Variants in ITPRID1 observed in about 807,000 individuals in gnomAD.
ITPRID1 encodes ITPR interacting domain containing 1.
A neutral mutation model predicts 95.4 loss-of-function variants in ITPRID1; 96 were observed. The ratio of observed to expected loss-of-function variants is 1.01; its 90% confidence interval spans 0.85 to 1.19. ITPRID1 has a LOEUF of 1.19. Ranked by LOEUF, ITPRID1 falls within the 50% of genes most tolerant of loss-of-function variation. The pLI is 0.00. For missense variants in ITPRID1, 1,339 were observed against 1,252.9 expected (o/e 1.07, Z -1.04); for synonymous variants, 510 against 453.6 (o/e 1.12, Z -1.58).
Position 31,656,368 on chromosome 7 carries a change from T to TA in ITPRID1, c.*3540dup. 1.1e-5 allele frequency: 4 copies of TA among 349,362 alleles called. No individual in the cohort carries two copies. The highest frequency in any genetic ancestry group is 1.6e-5 in the Non-Finnish European group (4 of 248,572). 21.6% of individuals were successfully genotyped at this position (349,362 alleles called of 1,614,324 possible). A position where few individuals can be genotyped will look rare whatever the true frequency, so the allele number is the denominator to read the frequency against. On this transcript the variant is annotated 3_prime_UTR_variant, in exon 15 of 15. Transcript: ENST00000615280. ...TAAAATAGGGAGAAGAAAAACAACA[T>TA]AGAGTTGTTGGACAGAATAAATACC...
chr7:31,577,128 A>G (rs1006469346), intron 8 of ITPRID1, among the ~76,000 whole-genome samples: 1 of 152,240 alleles, frequency 6.6e-6, no homozygotes, highest in African/African-American at 2.4e-5. Flanking sequence ...TTCTCTGGAA[A>G]GACTGAGGAG....
intron 5 of ITPRID1, among the ~76,000 whole-genome samples, chr7:31,565,114 C>T (rs998942765): frequency 6.6e-6 from 1 of 152,154 alleles, no homozygotes; most frequent in African/African-American, 2.4e-5. Flanking sequence ...GCAAGGCTCC[C>T]AACTGCCTGA....
chr7:31,616,657 T>A (rs1328276699), intron 10 of ITPRID1, among the ~76,000 whole-genome samples: 2 of 152,150 alleles, frequency 1.3e-5, no homozygotes, highest in Admixed American at 1.3e-4. Context: ...TAAGGTAAAT[T>A]CCCCAGATAG....
At chr7:31,620,373 T>C (rs1303209034) in intron 10 of ITPRID1, among the ~76,000 whole-genome samples, 22 of 151,330 alleles carry the variant, frequency 1.5e-4, no homozygotes, top group East Asian at 3.9e-4. Context: ...TAGGGGCAGA[T>C]TGACACCTCA....
chr7:31,566,493 G>A (rs1192451307), intron 5 of ITPRID1, among the ~76,000 whole-genome samples: 1 of 152,184 alleles, frequency 6.6e-6, no homozygotes, highest in Non-Finnish European at 1.5e-5. Context: ...AAACTCTCCA[G>A]AATCATCTCG....
rs975676143 is a variant in ITPRID1 at position 31,656,091 on chromosome 7, C to A, written c.*3262C>A. Reference sequence around the variant, plus strand: ...ACAGGCTTTCCTTGATGATCTGTGGCAGAAGTGATCCTTATTTTTTGAAAC... The same window carrying A: ...ACAGGCTTTCCTTGATGATCTGTGGAAGAAGTGATCCTTATTTTTTGAAAC... On this transcript the variant is annotated 3_prime_UTR_variant, in exon 15 of 15. Coordinates refer to ENST00000615280, the MANE Select transcript of ITPRID1 (RefSeq NM_001257967.3). 19 of 883,342 alleles carry A rather than the reference C, an allele frequency of 2.2e-5. No individual in the cohort carries two copies. The African/African-American group carries it at 3.3e-4, about 15-fold the overall frequency. 54.7% of individuals were successfully genotyped at this position (883,342 alleles called of 1,614,324 possible).
chr7:31,569,253 T>C (rs932346477), intron 5 of ITPRID1, among the ~76,000 whole-genome samples: 1 of 152,194 alleles, frequency 6.6e-6, no homozygotes, highest in Non-Finnish European at 1.5e-5. Context: ...GGGAATATGC[T>C]TCATACATGC....
intron 5 of ITPRID1, among the ~76,000 whole-genome samples, chr7:31,565,268 A>G (rs2128141165): frequency 6.6e-6 from 1 of 152,344 alleles, no homozygotes; most frequent in Admixed American, 6.5e-5. Flanking sequence ...AACTATCTTT[A>G]ATAATTTTAT....
intron 10 of ITPRID1, among the ~76,000 whole-genome samples, chr7:31,640,875 C>G (rs1789957384): frequency 6.6e-6 from 1 of 152,160 alleles, no homozygotes; most frequent in Non-Finnish European, 1.5e-5. Context: ...TAGGATTGAG[C>G]TATTTTAAAA....
chr7:31,572,187 A>G lies in ITPRID1; in HGVS notation c.394A>G (p.Ser132Gly). 1 of 1,594,648 alleles carries G rather than the reference A, an allele frequency of 6.3e-7. No individual in the cohort carries two copies. The highest frequency in any genetic ancestry group is 8.6e-7 in the Non-Finnish European group (1 of 1,163,894). Residue 132 changes from serine (S) to glycine (G), a missense_variant and splice_region_variant, in exon 7 of 15, where the codon AGC (serine) becomes GGC (glycine). Coordinates refer to ENST00000615280, the MANE Select transcript of ITPRID1 (RefSeq NM_001257967.3). Reference sequence around the variant, plus strand: ...CTATTCTACTGCAAGTGTACCACAAAGGTATGTAATTTCCAGGTGCTTTTC... The same window carrying G: ...CTATTCTACTGCAAGTGTACCACAAGGGTATGTAATTTCCAGGTGCTTTTC... ...SCYSTASVPQSIPEWLEFWEI... is the reference protein window; with the variant it reads ...SCYSTASVPQGIPEWLEFWEI...
intron 9 of ITPRID1, among the ~76,000 whole-genome samples, chr7:31,578,817 C>T (rs1003450856): frequency 8.5e-5 from 13 of 152,218 alleles, no homozygotes; most frequent in Non-Finnish European, 1.5e-5. Flanking sequence ...GCCTTAACCA[C>T]TTCTCCTCTG....
chr7:31,548,661 G>T (rs1331602945), intron 1 of ITPRID1, among the ~76,000 whole-genome samples: 1 of 152,100 alleles, frequency 6.6e-6, no homozygotes, highest in Non-Finnish European at 1.5e-5. Context: ...ACAAGAGCAT[G>T]GCCCAACAGC....
chr7:31,572,095 A>G lies in ITPRID1; in HGVS notation c.309-7A>G, dbSNP rs377670213. The G allele has an allele frequency of 3.8e-4, 597 of 1,587,826 alleles. No individual in the cohort carries two copies. The highest frequency in any genetic ancestry group is 2.2e-3 in the Middle Eastern group (13 of 6,016). On this transcript the variant is annotated splice_region_variant and splice_polypyrimidine_tract_variant and intron_variant, in intron 6 of 14. Coordinates refer to ENST00000615280, the MANE Select transcript of ITPRID1 (RefSeq NM_001257967.3). ...ACATCTCATTGTTGATATTTTCCCA[A>G]CTGTAGATCTTTGCATCAGTTTTCA...
At chr7:31,527,695 A>G (rs1783465690) in intron 1 of ITPRID1, among the ~76,000 whole-genome samples, 1 of 152,110 alleles carries the variant, frequency 6.6e-6, no homozygotes, top group African/African-American at 2.4e-5. Flanking sequence ...TGAGCACCTT[A>G]CCTATTAGAT....
chr7:31,575,981 T>C lies in ITPRID1; in HGVS notation c.598+1239T>C, dbSNP rs1357414199. On this transcript the variant is annotated intron_variant, in intron 8 of 14. Coordinates refer to ENST00000615280, the MANE Select transcript of ITPRID1 (RefSeq NM_001257967.3). The stretch of plus-strand genomic sequence containing the variant: ...ATTCATGTTGTTCCTTGTTATCTCC[T>C]CTTGCAAGCAGCACAGAGATGCAAA... Among the ~76,000 whole-genome samples the C allele has an allele frequency of 2.6e-5, 4 of 152,308 alleles. 1 individual carries two copies. The Middle Eastern group carries it at 0.01, about 389-fold the overall frequency.
Position 31,642,709 on chromosome 7 carries a change from C to A in ITPRID1, c.1339C>A (p.Pro447Thr), listed in dbSNP as rs372684457. 3.7e-6 allele frequency: 6 copies of A among 1,613,794 alleles called. No homozygotes were observed. The African/African-American group carries it at 8.0e-5, about 22-fold the overall frequency. The change falls in exon 12 of 15, where the codon CCT becomes ACT. Residue 447 changes from proline to threonine, a missense_variant. Pro to Thr is a conservative substitution (Grantham distance 38). Transcript: ENST00000615280. ...QMPSLPNSQS[P>T]AENGGRKPRD... is the part of the protein sequence containing the mutation. ...GCCTTCCTTGCCAAACAGCCAGAGTCCTGCTGAGAATGGAGGTAGAAAGCC... is the reference window on the plus strand; with the variant it reads ...GCCTTCCTTGCCAAACAGCCAGAGTACTGCTGAGAATGGAGGTAGAAAGCC...
At chr7:31,585,925 G>A (rs1247027717) in intron 10 of ITPRID1, among the ~76,000 whole-genome samples, 1 of 149,396 alleles carries the variant, frequency 6.7e-6, no homozygotes, top group Non-Finnish European at 1.5e-5. Flanking sequence ...TGCCATGCTG[G>A]TGCGCTGCAC....
chr7:31,623,223 A>G (rs1382758638), intron 10 of ITPRID1, among the ~76,000 whole-genome samples: 3 of 152,158 alleles, frequency 2.0e-5, no homozygotes, highest in Non-Finnish European at 4.4e-5. Flanking sequence ...CAATCAATAG[A>G]AAAAGAGGGA....
intron 10 of ITPRID1, among the ~76,000 whole-genome samples, chr7:31,627,659 CA>C (rs3078462): frequency 0.21 from 15,479 of 74,470 alleles, 642 homozygotes; most frequent in East Asian, 0.28. Context: ...GACACTGTCT[CA>C]AAAAAAAAAA....
Sources: allele counts gnomAD v4.1 joint callset (sites outside exome capture counted in the v4.1 genomes callset), GRCh38; gene constraint gnomAD v4.1.1; transcripts MANE v1.5; gene names NCBI Gene and HGNC (gene_info 2026-07-23, HGNC 2026-07-21).